Variants in ROBO2 observed in about 807,000 individuals in gnomAD.
ROBO2 encodes the protein roundabout guidance receptor 2, also known as roundabout homolog 2.
A neutral mutation model predicts 160.8 loss-of-function variants in ROBO2; 53 were observed. The ratio of observed to expected loss-of-function variants is 0.33; its 90% CI spans 0.26 to 0.41. The LOEUF is 0.41. ROBO2 is among the 10% of genes least tolerant of loss of function. ROBO2 has a pLI of 1.00. For missense variants in ROBO2, 1,577 were observed against 1,722.4 expected (o/e 0.92, Z 1.49); for synonymous variants, 664 against 611.7 (o/e 1.09, Z -1.26).
intron 2 of ROBO2, among the ~76,000 whole-genome samples, chr3:76,797,342 G>A (rs2063777550): frequency 6.6e-6 from 1 of 151,990 alleles, no homozygotes; most frequent in African/African-American, 2.4e-5. Context: ...AATGACTAGT[G>A]GGTCAATGAA....
intron 2 of ROBO2, among the ~76,000 whole-genome samples, chr3:76,471,822 A>G (rs1016412820): frequency 5.3e-5 from 8 of 152,084 alleles, no homozygotes; most frequent in African/African-American, 1.9e-4. Flanking sequence ...AAGCAAACAC[A>G]TCCTTCATCA....
intron 2 of ROBO2, among the ~76,000 whole-genome samples, chr3:77,155,052 AAAATAAATAAAT>A (rs752547824): frequency 2.6e-4 from 39 of 151,430 alleles, no homozygotes; most frequent in Non-Finnish European, 4.3e-4. Context: ...TAAATTTGGG[AAAATAAATAAAT>A]AAATAAATAA....
intron 2 of ROBO2, among the ~76,000 whole-genome samples, chr3:76,516,705 T>G (rs2081363789): frequency 6.6e-6 from 1 of 152,190 alleles, no homozygotes; most frequent in African/African-American, 2.4e-5. Flanking sequence ...TTCTGTTTTC[T>G]GATCTTTTAA....
At chr3:76,192,870 A>G (rs1344416706) in intron 2 of ROBO2, among the ~76,000 whole-genome samples, 1 of 152,116 alleles carries the variant, frequency 6.6e-6, no homozygotes, top group African/African-American at 2.4e-5. Context: ...AGCTGCTTAC[A>G]CTTACTGTAT....
intron 2 of ROBO2, among the ~76,000 whole-genome samples, chr3:76,091,549 A>G (rs934221142): frequency 1.3e-5 from 2 of 152,164 alleles, no homozygotes; most frequent in African/African-American, 4.8e-5. Flanking sequence ...GGCTCTTATC[A>G]TATAATCTAG....
intron 2 of ROBO2, among the ~76,000 whole-genome samples, chr3:77,282,258 T>C (rs1043765189): frequency 1.3e-5 from 2 of 152,150 alleles, no homozygotes; most frequent in African/African-American, 2.4e-5. Context: ...AGGGTTTTTC[T>C]CCTCCTTTTA....
intron 2 of ROBO2, chr3:77,316,775 G>C: frequency 1.6e-6 from 2 of 1,244,286 alleles, no homozygotes; most frequent in South Asian, 2.4e-5. Context: ...TTCAGTCCTA[G>C]ACCAAGCTTG....
intron 2 of ROBO2, among the ~76,000 whole-genome samples, chr3:76,383,917 G>C (rs1264709027): frequency 6.6e-6 from 1 of 152,216 alleles, no homozygotes; most frequent in Non-Finnish European, 1.5e-5. Flanking sequence ...GGTATTCCCA[G>C]AGGATGGAGT....
At chr3:76,913,949 A>C (rs1022762163) in intron 2 of ROBO2, among the ~76,000 whole-genome samples, 1 of 119,978 alleles carries the variant, frequency 8.3e-6, no homozygotes, top group Non-Finnish European at 1.7e-5. Context: ...ATACTCCATT[A>C]CATGAGTAAC....
At chr3:77,460,088 C>G (rs1373827831) in intron 2 of ROBO2, among the ~76,000 whole-genome samples, 3 of 151,972 alleles carry the variant, frequency 2.0e-5, no homozygotes, top group African/African-American at 7.3e-5. Context: ...GAGTTGGCTG[C>G]TGTGTACTCT....
chr3:76,065,993 G>GTT (rs5850231), intron 2 of ROBO2, among the ~76,000 whole-genome samples: 22 of 150,238 alleles, frequency 1.5e-4, no homozygotes, highest in Admixed American at 2.6e-4. Context: ...ATTTAGGATT[G>GTT]TTTTCTTTTG....
chr3:76,565,756 C>A (rs1357260019), intron 2 of ROBO2, among the ~76,000 whole-genome samples: 1 of 152,114 alleles, frequency 6.6e-6, no homozygotes, highest in Non-Finnish European at 1.5e-5. Flanking sequence ...TTCATTTTTA[C>A]TTATTTGTTT....
At chr3:76,110,773 T>G (rs2070192414) in intron 2 of ROBO2, among the ~76,000 whole-genome samples, 1 of 152,132 alleles carries the variant, frequency 6.6e-6, no homozygotes, top group Non-Finnish European at 1.5e-5. Context: ...AAATGAAGAA[T>G]GAACTTTAAT....
At chr3:77,071,315 A>C (rs769579159) in intron 1 of ROBO2, among the ~76,000 whole-genome samples, 3 of 152,226 alleles carry the variant, frequency 2.0e-5, no homozygotes, top group Non-Finnish European at 4.4e-5. Context: ...ACACCTGCTC[A>C]TTCAGTAAAA....
At chr3:77,470,675 A>T (rs1236194769) in intron 2 of ROBO2, among the ~76,000 whole-genome samples, 2 of 152,220 alleles carry the variant, frequency 1.3e-5, no homozygotes, top group African/African-American at 4.8e-5. Flanking sequence ...AAAAATTCTT[A>T]CTGAAAATCA....
intron 2 of ROBO2, among the ~76,000 whole-genome samples, chr3:76,432,519 C>T (rs746465341): frequency 6.6e-6 from 1 of 152,050 alleles, no homozygotes; most frequent in Non-Finnish European, 1.5e-5. Flanking sequence ...TTCACTGTTT[C>T]GATGATAGCT....
intron 16 of ROBO2, among the ~76,000 whole-genome samples, chr3:77,583,398 T>C (rs1357552923): frequency 6.6e-6 from 1 of 151,878 alleles, no homozygotes; most frequent in African/African-American, 2.4e-5. Context: ...GTCTTCTACT[T>C]GTTTGCAATG....
At chr3:77,482,202 A>G (rs2084787128) in intron 4 of ROBO2, among the ~76,000 whole-genome samples, 1 of 152,062 alleles carries the variant, frequency 6.6e-6, no homozygotes, top group Admixed American at 6.6e-5. Flanking sequence ...TATCATTGTG[A>G]TTTTCAAATT....
chr3:77,283,818 C>A (rs533750710), intron 2 of ROBO2, among the ~76,000 whole-genome samples: 1 of 152,054 alleles, frequency 6.6e-6, no homozygotes, highest in South Asian at 2.1e-4. Context: ...GACTTGAGCT[C>A]GGTACTTTGA....
Sources: allele counts gnomAD v4.1 joint callset (sites outside exome capture counted in the v4.1 genomes callset), GRCh38; gene constraint gnomAD v4.1.1; transcripts MANE v1.5; gene names NCBI Gene and HGNC (gene_info 2026-07-23, HGNC 2026-07-21).